Variants in DLG2 observed in about 807,000 individuals in gnomAD.
DLG2 encodes the protein discs large MAGUK scaffold protein 2, also known as disks large homolog 2.
DLG2 carries 45 observed loss-of-function variants against 132.5 expected under a neutral mutation model. The observed-to-expected ratio is 0.34, with a 90% CI of 0.27 to 0.44. The LOEUF is 0.44. Among genes scored for constraint, DLG2 ranks in the 20% least tolerant of loss-of-function variants. DLG2 has a pLI of 1.00. For missense variants in DLG2, 1,045 were observed against 1,196.9 expected (o/e 0.87, Z 1.87); for synonymous variants, 424 against 419.6 (o/e 1.01, Z -0.13).
chr11:85,083,218 A>T (rs1333259702), intron 6 of DLG2, among the ~76,000 whole-genome samples: 1 of 152,126 alleles, frequency 6.6e-6, no homozygotes, highest in Non-Finnish European at 1.5e-5. Context: ...GAAACCTTAG[A>T]TCTCAACCAA....
chr11:83,520,212 A>G (rs1012493915), intron 21 of DLG2, among the ~76,000 whole-genome samples: 4 of 152,250 alleles, frequency 2.6e-5, no homozygotes, highest in Admixed American at 1.3e-4. Context: ...TTTCACTTAT[A>G]TTGACAAGTG....
rs770760720 is a variant in DLG2 at position 85,154,549 on chromosome 11, C to G, written c.282+7G>C. ...CTAGTAAGAAAAGAAAACAGTATAA[C>G]ACTTACAGTTGTCGTCTCATCAGTT... On this transcript the variant is annotated splice_region_variant and intron_variant, in intron 5 of 27. Coordinates refer to ENST00000376104, the MANE Select transcript of DLG2 (RefSeq NM_001142699.3). 1 of 1,369,460 alleles carries G rather than the reference C, an allele frequency of 7.3e-7. No individual in the cohort carries two copies. Among genetic ancestry groups the G allele is most frequent in the South Asian group, 1.3e-5 (1 of 78,266 alleles). The allele number at this position is 1,369,460 out of a possible 1,614,324, so 84.8% of individuals were successfully genotyped here.
chr11:85,516,816 GGATTCACAGCTGA>G (rs1446840383), intron 3 of DLG2, among the ~76,000 whole-genome samples: 2 of 151,964 alleles, frequency 1.3e-5, no homozygotes, highest in Non-Finnish European at 2.9e-5. Context: ...AGGACCGGAG[GGATTCACAGCTGA>G]ATTCCACCAA....
chr11:84,033,064 C>T (rs1434100042), intron 11 of DLG2, among the ~76,000 whole-genome samples: 1 of 152,190 alleles, frequency 6.6e-6, no homozygotes, highest in Non-Finnish European at 1.5e-5. Flanking sequence ...TGTGCAAAAA[C>T]ATTAATGTTT....
chr11:85,484,421 A>G (rs2093378732), intron 3 of DLG2, among the ~76,000 whole-genome samples: 1 of 151,286 alleles, frequency 6.6e-6, no homozygotes, highest in Non-Finnish European at 1.5e-5. Flanking sequence ...GGCAACCTAC[A>G]AAATGGGAGA....
chr11:84,241,701 T>C (rs1385932300), intron 8 of DLG2, among the ~76,000 whole-genome samples: 2 of 152,226 alleles, frequency 1.3e-5, no homozygotes, highest in Admixed American at 1.3e-4. Flanking sequence ...CTGTATGCAG[T>C]ATTTCCTACT....
At chr11:85,447,811 T>C (rs971045261) in intron 3 of DLG2, among the ~76,000 whole-genome samples, 40 of 152,188 alleles carry the variant, frequency 2.6e-4, no homozygotes, top group African/African-American at 9.6e-4. Context: ...GTATTTTTAT[T>C]TTGGAACTTT....
intron 18 of DLG2, among the ~76,000 whole-genome samples, chr11:83,781,228 C>G (rs908862447): frequency 2.0e-5 from 3 of 152,144 alleles, no homozygotes; most frequent in Non-Finnish European, 2.9e-5. Flanking sequence ...ATATATTTCT[C>G]TGTCACTATT....
At chr11:83,504,796 T>A (rs1478636363) in intron 21 of DLG2, among the ~76,000 whole-genome samples, 1 of 152,154 alleles carries the variant, frequency 6.6e-6, no homozygotes, top group Admixed American at 6.5e-5. Flanking sequence ...AACAGTACCA[T>A]ATATTAGTTG....
At chr11:85,369,448 C>A (rs367569050) in intron 3 of DLG2, among the ~76,000 whole-genome samples, 1 of 152,086 alleles carries the variant, frequency 6.6e-6, no homozygotes, top group East Asian at 1.9e-4. Flanking sequence ...TTCTCTACCC[C>A]GTCAGCAGTT....
At chr11:84,863,101 G>C (rs950401937) in intron 6 of DLG2, among the ~76,000 whole-genome samples, 1 of 152,018 alleles carries the variant, frequency 6.6e-6, no homozygotes, top group Non-Finnish European at 1.5e-5. Context: ...TGAAATAGCT[G>C]TACGTATTTA....
At chr11:85,548,510 G>A (rs1565670338) in intron 3 of DLG2, among the ~76,000 whole-genome samples, 1 of 152,238 alleles carries the variant, frequency 6.6e-6, no homozygotes, top group Non-Finnish European at 1.5e-5. Context: ...ATCAGAGCTT[G>A]AATGCTGTGC....
chr11:84,446,206 T>C (rs911762770), intron 7 of DLG2, among the ~76,000 whole-genome samples: 5 of 152,096 alleles, frequency 3.3e-5, no homozygotes, highest in African/African-American at 1.2e-4. Flanking sequence ...CAATTGTTTA[T>C]ACCATTTTTA....
intron 6 of DLG2, among the ~76,000 whole-genome samples, chr11:84,961,411 C>A (rs1041111725): frequency 6.6e-6 from 1 of 151,986 alleles, no homozygotes; most frequent in African/African-American, 2.4e-5. Flanking sequence ...TCTCAGCATG[C>A]AACCATGATC....
At chr11:83,689,400 T>C (rs991505124) in intron 18 of DLG2, among the ~76,000 whole-genome samples, 1 of 152,174 alleles carries the variant, frequency 6.6e-6, no homozygotes. Flanking sequence ...ACTAACTTGA[T>C]AGTAGGAATA....
intron 12 of DLG2, among the ~76,000 whole-genome samples, chr11:83,970,377 G>C (rs1247029665): frequency 6.6e-6 from 1 of 152,182 alleles, no homozygotes; most frequent in East Asian, 1.9e-4. Flanking sequence ...TTGAGGGAAA[G>C]GTAGTGGTGA....
chr11:84,250,586 C>A (rs1278712398), intron 8 of DLG2, among the ~76,000 whole-genome samples: 1 of 152,168 alleles, frequency 6.6e-6, no homozygotes, highest in African/African-American at 2.4e-5. Flanking sequence ...GTTGGACCTC[C>A]ATAATGTCAA....
At chr11:83,743,428 C>T (rs1184129876) in intron 18 of DLG2, among the ~76,000 whole-genome samples, 1 of 58,274 alleles carries the variant, frequency 1.7e-5, no homozygotes, top group African/African-American at 1.5e-4. Flanking sequence ...GTGGGCAGGC[C>T]ATTTTTTTTT....
intron 8 of DLG2, among the ~76,000 whole-genome samples, chr11:84,179,698 G>A (rs2096067068): frequency 6.6e-6 from 1 of 152,046 alleles, no homozygotes; most frequent in Non-Finnish European, 1.5e-5. Context: ...TCTTAATAAG[G>A]GCTTCTCTCA....
Sources: allele counts gnomAD v4.1 joint callset (sites outside exome capture counted in the v4.1 genomes callset), GRCh38; gene constraint gnomAD v4.1.1; transcripts MANE v1.5; gene names NCBI Gene and HGNC (gene_info 2026-07-23, HGNC 2026-07-21).